The following TBX4 variants were observed in gnomAD, a reference collection of about 807,000 sequenced individuals.
TBX4 encodes the protein T-box transcription factor TBX4.
Under a neutral mutation model 54.6 loss-of-function variants are expected in TBX4, and 13 were observed. The observed-to-expected ratio is 0.24, with a 90% CI of 0.15 to 0.38. TBX4 has a LOEUF of 0.38. Among genes scored for constraint, TBX4 ranks in the 10% least tolerant of loss-of-function variants. The probability of loss-of-function intolerance (pLI) is 1.00; values close to 1 mark genes in which losing one functional copy is unlikely to be tolerated. For synonymous variants in TBX4, 314 were observed against 306.7 expected (o/e 1.02, Z -0.25); for missense variants, 631 against 728.5 (o/e 0.87, Z 1.54).
In TBX4 at chr17:61,483,696, C is replaced by A; in HGVS notation, c.*180C>A. The stretch of plus-strand genomic sequence containing the variant: ...TATTTGGAGAGCATCCATCTTCTGA[C>A]ATACAACTGAGGTCATGACAAGGAA... On this transcript the variant is annotated 3_prime_UTR_variant, in exon 9 of 9. Coordinates refer to ENST00000644296, the MANE Select transcript of TBX4 (RefSeq NM_001321120.2). This position sits in a 1 kb window ranked among gnomAD's most constrained non-coding sequence, Gnocchi z 6.6. 1 of 814,924 alleles carries A rather than the reference C, an allele frequency of 1.2e-6. No homozygotes were observed. The highest frequency in any genetic ancestry group is 2.0e-6 in the Non-Finnish European group (1 of 510,508). The allele number at this position is 814,924 out of a possible 1,614,324, so 50.5% of individuals were successfully genotyped here.
In TBX4 at chr17:61,465,705, A is replaced by C. The variant is rs1204309242; in HGVS notation, c.282-114A>C. ...TCACACAGCTGTGACCAATGCCAGG[A>C]TCGCTGGCCAAAAGGGCAGCATCTG... On this transcript the variant is annotated intron_variant, in intron 3 of 8. Transcript: ENST00000644296. This position sits in a 1 kb window ranked among gnomAD's most constrained non-coding sequence, Gnocchi z 4.9. 7.2e-6 allele frequency: 10 copies of C among 1,391,878 alleles called. No individual in the cohort carries two copies. In the East Asian group the frequency reaches 9.3e-5, roughly 13 times the overall value. 86.2% of individuals were successfully genotyped at this position (1,391,878 alleles called of 1,614,324 possible).
chr17:61,454,116 A>G (rs2060431106), intron 1 of TBX4, among the ~76,000 whole-genome samples: 1 of 152,278 alleles, frequency 6.6e-6, no homozygotes, highest in African/African-American at 2.4e-5. Flanking sequence ...CTAACGAATC[A>G]AAGCAGGGCT....
At chr17:61,477,941 C>CAAA (rs10617980) in intron 5 of TBX4, among the ~76,000 whole-genome samples, 4 of 88,648 alleles carry the variant, frequency 4.5e-5, no homozygotes, top group Non-Finnish European at 6.9e-5. Context: ...GATTCCATCT[C>CAAA]AAAAAAAAAA....
intron 1 of TBX4, among the ~76,000 whole-genome samples, chr17:61,454,915 C>T (rs1403666735): frequency 6.6e-6 from 1 of 152,218 alleles, no homozygotes; most frequent in Non-Finnish European, 1.5e-5. Context: ...GAGCCGATCC[C>T]GCCGGGGCCC....
At position 61,482,994 on chromosome 17, in the gene TBX4, C is replaced by G; in HGVS notation, c.1119C>G (p.Pro373=). The change falls in exon 9 of 9, where the codon CCC becomes CCG. Residue 373 remains proline (P), a synonymous_variant. Coordinates refer to ENST00000644296, the MANE Select transcript of TBX4 (RefSeq NM_001321120.2). ...ATCACTATTTCCGTTCCCCCCCTCC[C>G]TACGACCAGCAAATGCTGAGCCCCT... ...GEDHYFRSPP[P]YDQQMLSPSY... is the part of the protein sequence containing the mutation. 1 of 1,614,128 alleles carries G rather than the reference C, an allele frequency of 6.2e-7. No individual in the cohort carries two copies. The highest frequency in any genetic ancestry group is 8.5e-7 in the Non-Finnish European group (1 of 1,179,998).
rs144617826 is a variant in TBX4 at position 61,471,425 on chromosome 17, A to G, written c.549+3768A>G. 5.3e-5 allele frequency among the ~76,000 whole-genome samples: 8 copies of G among 152,348 alleles called. No homozygotes were observed. In the East Asian group the frequency reaches 1.5e-3, roughly 29 times the overall value. Reference sequence around the variant, plus strand: ...GGAAATACTTTCACAAGCTTTAAACATAAATCATTGAACAAATTAAAATGT... The same window carrying G: ...GGAAATACTTTCACAAGCTTTAAACGTAAATCATTGAACAAATTAAAATGT... On this transcript the variant is annotated intron_variant, in intron 5 of 8. Coordinates refer to ENST00000644296, the MANE Select transcript of TBX4 (RefSeq NM_001321120.2).
At position 61,475,879 on chromosome 17, in the gene TBX4, A is replaced by G. The variant is rs2060616826; in HGVS notation, c.550-2748A>G. 6.6e-6 allele frequency among the ~76,000 whole-genome samples: 1 copy of G among 152,164 alleles called. No individual in the cohort carries two copies. Among genetic ancestry groups the G allele is most frequent in the Admixed American group, 6.5e-5 (1 of 15,278 alleles). ...GGCCTTCATGCCAAGGAGCTGGCAC[A>G]TCGGGGAACTCATGGGAGATCATCT... On this transcript the variant is annotated intron_variant, in intron 5 of 8. Transcript: ENST00000644296. This position sits in a 1 kb window ranked among gnomAD's most constrained non-coding sequence, Gnocchi z 5.0.
chr17:61,480,295 T>G lies in TBX4; in HGVS notation c.997T>G (p.Phe333Val). ...TFPTQRDSSL[F>V]YHCLKRRADG... ...TCCCACCCAGAGGGACTCAAGCCTCTTCTATCACTGCCTGAAAAGACGAGG... is the reference window on the plus strand; with the variant it reads ...TCCCACCCAGAGGGACTCAAGCCTCGTCTATCACTGCCTGAAAAGACGAGG... The change falls in exon 8 of 9, where the codon TTC (phenylalanine) becomes GTC (valine). Residue 333 changes from phenylalanine (F) to valine (V), a missense_variant. Phe to Val is a conservative substitution (Grantham distance 50, BLOSUM62 -1). Transcript: ENST00000644296. This position sits in a 1 kb window ranked among gnomAD's most constrained non-coding sequence, Gnocchi z 6.2. 1.9e-6 allele frequency: 3 copies of G among 1,613,896 alleles called. No individual in the cohort carries two copies. The highest frequency in any genetic ancestry group is 2.5e-6 in the Non-Finnish European group (3 of 1,179,940).
At position 61,480,404 on chromosome 17, in the gene TBX4, C is replaced by CG. The variant is rs386386377; in HGVS notation, c.1021+85_1021+86insG. 5.9e-6 allele frequency: 6 copies of CG among 1,018,286 alleles called. No individual in the cohort carries two copies. In the African/African-American group the frequency reaches 8.1e-5, roughly 14 times the overall value. 63.1% of individuals were successfully genotyped at this position (1,018,286 alleles called of 1,614,324 possible). On this transcript the variant is annotated intron_variant, in intron 8 of 8. Transcript: ENST00000644296. The surrounding 1 kb of genome is among the most constrained non-coding windows in gnomAD (Gnocchi z 6.2). ...AAACCACTCTGCAGCGCCCCCCCCCCCAACACACACACACTCATCTCGTGC... is the reference window on the plus strand; with the variant it reads ...AAACCACTCTGCAGCGCCCCCCCCCCGCAACACACACACACTCATCTCGTGC...
rs1168046640 is a variant in TBX4 at position 61,472,261 on chromosome 17, G to A, written c.549+4604G>A. 6.6e-6 allele frequency among the ~76,000 whole-genome samples: 1 copy of A among 152,238 alleles called. No homozygotes were observed. Among genetic ancestry groups the A allele is most frequent in the Non-Finnish European group, 1.5e-5 (1 of 68,052 alleles). ...TATCACCAAATTCCCCTCCATGGGA[G>A]CTGTACTGATGTATATATTTCCACC... On this transcript the variant is annotated intron_variant, in intron 5 of 8. Coordinates refer to ENST00000644296, the MANE Select transcript of TBX4 (RefSeq NM_001321120.2). This position sits in a 1 kb window ranked among gnomAD's most constrained non-coding sequence, Gnocchi z 4.5.
rs973973620 is a variant in TBX4 at position 61,477,442 on chromosome 17, C to G, written c.550-1185C>G. Among the ~76,000 whole-genome samples, 14 of 152,362 alleles carry G rather than the reference C, an allele frequency of 9.2e-5. No individual in the cohort carries two copies. In the East Asian group the frequency reaches 2.3e-3, roughly 25 times the overall value. Reference sequence around the variant, plus strand: ...GCCGCGGCAACCCGCCTCCCCCAGCCCACGGCATCCTCAAGGGCCCTTGGG... The same window carrying G: ...GCCGCGGCAACCCGCCTCCCCCAGCGCACGGCATCCTCAAGGGCCCTTGGG... On this transcript the variant is annotated intron_variant, in intron 5 of 8. Transcript: ENST00000644296.
rs143267075 is a variant in TBX4, at chr17:61,482,990, C to G, written c.1115C>G (p.Pro372Arg). ...GAGGATCACTATTTCCGTTCCCCCC[C>G]TCCCTACGACCAGCAAATGCTGAGC... ...VGEDHYFRSP[P>R]PYDQQMLSPS... Residue 372 changes from proline to arginine, a missense_variant, in exon 9 of 9, where the codon CCT becomes CGT. By Grantham distance (103) the Pro-to-Arg change is moderately radical. Around this residue, in one of 3 missense-constraint regions of TBX4, gnomAD observed 354 missense variants for 368.9 expected, o/e 0.96. Coordinates refer to ENST00000644296, the MANE Select transcript of TBX4 (RefSeq NM_001321120.2). 20 of 1,613,988 alleles carry G rather than the reference C, an allele frequency of 1.2e-5. No individual in the cohort carries two copies. Among genetic ancestry groups the G allele is most frequent in the Non-Finnish European group, 1.7e-5 (20 of 1,180,000 alleles).
Position 61,483,074 on chromosome 17 carries a change from C to T in TBX4, c.1199C>T (p.Pro400Leu). The change falls in exon 9 of 9, where the codon CCC (proline) becomes CTC (leucine). Residue 400 changes from proline (P) to leucine (L), a missense_variant. Transcript: ENST00000644296. This position sits in a 1 kb window ranked among gnomAD's most constrained non-coding sequence, Gnocchi z 6.6. ...GCATGTATGTACTCAGGTTCAGGGCCCGAGATTGCCGGGGTGTCTGGGGTG... is the reference window on the plus strand; with the variant it reads ...GCATGTATGTACTCAGGTTCAGGGCTCGAGATTGCCGGGGTGTCTGGGGTG... ...REACMYSGSG[P>L]EIAGVSGVDD... 1.2e-6 allele frequency: 2 copies of T among 1,614,096 alleles called. No individual in the cohort carries two copies. The highest frequency in any genetic ancestry group is 1.7e-6 in the Non-Finnish European group (2 of 1,180,026).
At chr17:61,470,057 C>T (rs1603252395) in intron 5 of TBX4, among the ~76,000 whole-genome samples, 1 of 151,836 alleles carries the variant, frequency 6.6e-6, no homozygotes, top group African/African-American at 2.4e-5. Flanking sequence ...TATTGGCAGC[C>T]CTCACCCCCA....
rs756508374 is a variant in TBX4 at position 61,457,751 on chromosome 17, C to T, written c.281+120C>T. 1.5e-5 allele frequency: 14 copies of T among 933,168 alleles called. No individual in the cohort carries two copies. The highest frequency in any genetic ancestry group is 2.1e-5 in the Admixed American group (1 of 47,220). The allele number at this position is 933,168 out of a possible 1,614,324, so 57.8% of individuals were successfully genotyped here. On this transcript the variant is annotated intron_variant, in intron 3 of 8. Transcript: ENST00000644296. The surrounding 1 kb of genome is among the most constrained non-coding windows in gnomAD (Gnocchi z 8.2). The stretch of plus-strand genomic sequence containing the variant: ...CCTGTGGGAGGCCTCTCTGCCTCCT[C>T]GGGCGTCAGTGCCACCTCCCTTCGC...
At position 61,476,206 on chromosome 17, in the gene TBX4, G is replaced by A. The variant is rs942205574; in HGVS notation, c.550-2421G>A. 1.3e-5 allele frequency among the ~76,000 whole-genome samples: 2 copies of A among 152,232 alleles called. No homozygotes were observed. The highest frequency in any genetic ancestry group is 1.5e-5 in the Non-Finnish European group (1 of 68,046). On this transcript the variant is annotated intron_variant, in intron 5 of 8. Transcript: ENST00000644296. This position sits in a 1 kb window ranked among gnomAD's most constrained non-coding sequence, Gnocchi z 6.5. ...CCACTAGGATGCAGAATGACAACCA[G>A]GTAGATAACACATGAGAAGTAAGTT...
intron 5 of TBX4, among the ~76,000 whole-genome samples, chr17:61,469,775 AC>A (rs1166428567): frequency 6.6e-6 from 1 of 152,198 alleles, no homozygotes; most frequent in Non-Finnish European, 1.5e-5. Flanking sequence ...ACCCATTTGG[AC>A]ATTGATTTTC....
chr17:61,478,701 C>A lies in TBX4; in HGVS notation c.624C>A (p.Gly208=), dbSNP rs1569043642. The A allele has an allele frequency of 6.2e-7, 1 of 1,614,204 alleles. No individual in the cohort carries two copies. The highest frequency in any genetic ancestry group is 8.5e-7 in the Non-Finnish European group (1 of 1,180,040). The change falls in exon 6 of 9, where the codon GGC becomes GGA. Residue 208 remains glycine, a synonymous_variant. Coordinates refer to ENST00000644296, the MANE Select transcript of TBX4 (RefSeq NM_001321120.2). This position sits in a 1 kb window ranked among gnomAD's most constrained non-coding sequence, Gnocchi z 7.4. Reference sequence around the variant, plus strand: ...AGGCTGATGAGAACAATGCTTTCGGCTCCAAAAACACTGCTTTCTGCACCC... The same window carrying A: ...AGGCTGATGAGAACAATGCTTTCGGATCCAAAAACACTGCTTTCTGCACCC... The part of the protein sequence containing the change: ...IVKADENNAF[G]SKNTAFCTHV...
In TBX4 at chr17:61,476,162, G is replaced by A. The variant is rs2060618692; in HGVS notation, c.550-2465G>A. On this transcript the variant is annotated intron_variant, in intron 5 of 8. Transcript: ENST00000644296. This position sits in a 1 kb window ranked among gnomAD's most constrained non-coding sequence, Gnocchi z 6.5. ...GAGGAGTTTAGAGTTTAATTGAAGG[G>A]ACAAGAAGAAATAGGAAGCCACTAG... Among the ~76,000 whole-genome samples, 1 of 152,176 alleles carries A rather than the reference G, an allele frequency of 6.6e-6. No homozygotes were observed. Among genetic ancestry groups the A allele is most frequent in the Non-Finnish European group, 1.5e-5 (1 of 68,036 alleles).
Sources: gnomAD v4.1 joint callset for allele counts (sites outside exome capture counted in the v4.1 genomes callset) on GRCh38, gnomAD v4.1.1 for gene constraint, gnomAD v4.1.1 regional missense constraint, Gnocchi (gnomAD v3.1) non-coding constraint, MANE v1.5 for transcripts, NCBI Gene and HGNC (gene_info 2026-07-23, HGNC 2026-07-21) for gene names.